Variants in TAMM41 observed in about 807,000 individuals in gnomAD.
TAMM41 encodes the protein phosphatidate cytidylyltransferase, mitochondrial.
In TAMM41, 36 loss-of-function variants were observed where a neutral mutation model predicts 44.1. The ratio of observed to expected loss-of-function variants is 0.82; its 90% CI spans 0.63 to 1.08. TAMM41 has a LOEUF of 1.08. Ranked by LOEUF, TAMM41 falls within the 50% of genes least tolerant of loss-of-function variation. TAMM41 has a pLI of 0.00. For synonymous variants in TAMM41, 164 were observed against 153.1 expected (o/e 1.07, Z -0.53); for missense variants, 417 against 404.3 (o/e 1.03, Z -0.27).
At chr3:11,841,553 A>G (rs577963181) in intron 2 of TAMM41, among the ~76,000 whole-genome samples, 2 of 152,242 alleles carry the variant, frequency 1.3e-5, no homozygotes, top group African/African-American at 2.4e-5. Context: ...TCAATTAAAA[A>G]GTAGTCTTTT....
the TAMM41 span, among the ~76,000 whole-genome samples, chr3:11,769,248 C>T: frequency 6.6e-6 from 1 of 152,150 alleles, no homozygotes; most frequent in African/African-American, 2.4e-5. Context: ...TGCCACCACG[C>T]ACAGCTAATT....
chr3:11,738,257 TAAAA>T, the TAMM41 span, among the ~76,000 whole-genome samples: 3 of 152,154 alleles, frequency 2.0e-5, no homozygotes, highest in Non-Finnish European at 2.9e-5. Context: ...GCCGTGGAGT[TAAAA>T]AAAGAAAATC....
chr3:11,739,882 G>T, the TAMM41 span, among the ~76,000 whole-genome samples: 1 of 152,020 alleles, frequency 6.6e-6, no homozygotes. Context: ...AGTCTCAGGG[G>T]CAAGACTGTG....
intron 7 of TAMM41, among the ~76,000 whole-genome samples, chr3:11,799,902 A>G (rs1047077156): frequency 2.6e-5 from 4 of 152,244 alleles, no homozygotes; most frequent in African/African-American, 9.6e-5. Context: ...ACTTTTCAGC[A>G]GAAACCTTAA....
At chr3:11,834,200 C>G (rs1320235867) in intron 3 of TAMM41, among the ~76,000 whole-genome samples, 2 of 152,046 alleles carry the variant, frequency 1.3e-5, no homozygotes, top group Non-Finnish European at 2.9e-5. Flanking sequence ...TCATGCCACT[C>G]CACTTCAGCC....
At chr3:11,818,484 G>C (rs1284290238) in intron 4 of TAMM41, among the ~76,000 whole-genome samples, 1 of 152,104 alleles carries the variant, frequency 6.6e-6, no homozygotes, top group African/African-American at 2.4e-5. Flanking sequence ...AAAATACAAG[G>C]AAGACCAACA....
downstream of TAMM41, among the ~76,000 whole-genome samples, chr3:11,786,286 T>TTTATTATTATTATTATTATTATTA (rs60089566): frequency 2.9e-5 from 4 of 138,872 alleles, no homozygotes; most frequent in East Asian, 2.0e-4. Flanking sequence ...TTTATTTAAT[T>TTTATTATTATTATTATTATTATTA]TTATTATTAT....
rs532356764 is a variant in TAMM41, at chr3:11,829,685, T to C, written c.562+29A>G. On this transcript the variant is annotated intron_variant, in intron 4 of 7. Coordinates refer to ENST00000455809, the MANE Select transcript of TAMM41 (RefSeq NM_001284401.2). ...TCTTCAAATATAAATCTCTCCCTTG[T>C]AGAACATCTGGGCAGCAACCATACT... 8 of 1,612,332 alleles carry C rather than the reference T, an allele frequency of 5.0e-6. No homozygotes were observed. The African/African-American group carries it at 1.1e-4, about 22-fold the overall frequency.
chr3:11,781,460 T>C, the TAMM41 span, among the ~76,000 whole-genome samples: 76,437 of 151,756 alleles, frequency 0.5, 19,907 homozygotes, highest in East Asian at 0.76. Flanking sequence ...CCCGGTCAGG[T>C]GCGGTGGCTC....
the TAMM41 span, among the ~76,000 whole-genome samples, chr3:11,766,907 C>T: frequency 3.3e-5 from 5 of 152,104 alleles, no homozygotes; most frequent in South Asian, 1.0e-3. Flanking sequence ...ATTTTGAGAT[C>T]GCTGTAGATT....
At chr3:11,759,627 C>T in the TAMM41 span, among the ~76,000 whole-genome samples, 1 of 152,128 alleles carries the variant, frequency 6.6e-6, no homozygotes, top group African/African-American at 2.4e-5. Flanking sequence ...AGTTCCTCCA[C>T]CTTCCAGGTT....
At chr3:11,818,986 C>T (rs1451991187) in intron 4 of TAMM41, among the ~76,000 whole-genome samples, 3 of 151,800 alleles carry the variant, frequency 2.0e-5, no homozygotes, top group African/African-American at 4.8e-5. Context: ...TGAGCAGAAG[C>T]GAGTCCCAGT....
Position 11,810,067 on chromosome 3 carries a change from T to C in TAMM41, c.709-385A>G, listed in dbSNP as rs560977429. The stretch of plus-strand genomic sequence containing the variant: ...CCAGGCACTGAGATGACCCCTCCCA[T>C]TTCAAACACAGGGAGACTGGCGTGC... On this transcript the variant is annotated intron_variant, in intron 5 of 7. Coordinates refer to ENST00000455809, the MANE Select transcript of TAMM41 (RefSeq NM_001284401.2). The C allele has an allele frequency of 4.4e-5, 8 of 182,580 alleles. No individual in the cohort carries two copies. In the East Asian group the frequency reaches 1.3e-3, roughly 31 times the overall value. The allele number at this position is 182,580 out of a possible 1,614,324, so 11.3% of individuals were successfully genotyped here. A position where few individuals can be genotyped will look rare whatever the true frequency, so the allele number is the denominator to read the frequency against.
At chr3:11,747,745 G>A in the TAMM41 span, among the ~76,000 whole-genome samples, 1 of 151,774 alleles carries the variant, frequency 6.6e-6, no homozygotes, top group Admixed American at 6.6e-5. Context: ...CAGCCTAGGT[G>A]ACAGAATGAG....
chr3:11,752,458 C>T, the TAMM41 span, among the ~76,000 whole-genome samples: 1 of 151,940 alleles, frequency 6.6e-6, no homozygotes, highest in South Asian at 2.1e-4. Context: ...GTCCATTTTA[C>T]AAACCTCTAG....
the TAMM41 span, among the ~76,000 whole-genome samples, chr3:11,729,946 A>T: frequency 6.6e-6 from 1 of 152,326 alleles, no homozygotes; most frequent in South Asian, 2.1e-4. Context: ...CAGATGAGAA[A>T]ACAGGGGCTC....
At chr3:11,827,526 C>T (rs1005861507) in intron 4 of TAMM41, among the ~76,000 whole-genome samples, 2 of 150,518 alleles carry the variant, frequency 1.3e-5, no homozygotes, top group South Asian at 4.2e-4. Flanking sequence ...CCAGGCTGGT[C>T]TTGAACTCCT....
At chr3:11,806,373 C>T (rs1300160872) in intron 7 of TAMM41, among the ~76,000 whole-genome samples, 1 of 152,090 alleles carries the variant, frequency 6.6e-6, no homozygotes, top group Admixed American at 6.5e-5. Context: ...TGAACTGATA[C>T]AGCCACTTTG....
intron 4 of TAMM41, 120 bp from the exon 5 acceptor site, chr3:11,817,457 A>C: frequency 9.5e-7 from 1 of 1,049,534 alleles, no homozygotes; most frequent in Non-Finnish European, 1.3e-6. Flanking sequence ...TCATCAGAAC[A>C]CTTGCTTTTC....
Sources: allele counts gnomAD v4.1 joint callset (sites outside exome capture counted in the v4.1 genomes callset), GRCh38; gene constraint gnomAD v4.1.1; transcripts MANE v1.5; gene names NCBI Gene and HGNC (gene_info 2026-07-23, HGNC 2026-07-21).